AAGAB: variants seen among roughly 807,000 people sequenced by gnomAD.
The protein encoded by AAGAB is alpha and gamma adaptin binding protein.
Under a neutral mutation model 44.1 loss-of-function variants are expected in AAGAB, and 38 were observed. The observed-to-expected ratio is 0.86, with a 90% CI of 0.67 to 1.13. The LOEUF (loss-of-function observed/expected upper bound fraction) is 1.13. Ranked by LOEUF, AAGAB falls within the 50% of genes most tolerant of loss-of-function variation. AAGAB has a pLI of 0.00. For synonymous variants in AAGAB, 131 were observed against 131.8 expected, an observed-to-expected ratio of 0.99 and a Z score of 0.04; for missense variants, 450 against 373.8, an observed-to-expected ratio of 1.20 and a Z score of -1.68.
intron 5 of AAGAB, among the ~76,000 whole-genome samples, chr15:67,228,831 G>A (rs1417443102): frequency 6.6e-6 from 1 of 152,086 alleles, no homozygotes; most frequent in African/African-American, 2.4e-5. Flanking sequence ...GCAGCAACAT[G>A]GACACAGCTG....
intron 5 of AAGAB, among the ~76,000 whole-genome samples, chr15:67,212,867 A>G (rs1963856298): frequency 6.6e-6 from 1 of 152,234 alleles, no homozygotes; most frequent in East Asian, 1.9e-4. Context: ...CTCATAGAAA[A>G]GAATTACATA....
intron 5 of AAGAB, among the ~76,000 whole-genome samples, chr15:67,210,234 G>A (rs8034421): frequency 0.3 from 45,267 of 152,132 alleles, 6,948 homozygotes; most frequent in South Asian, 0.37. Flanking sequence ...AAAAGTTCTA[G>A]GGCTGGGAGC....
At chr15:67,248,055 T>A (rs1305302311) in intron 1 of AAGAB, among the ~76,000 whole-genome samples, 4 of 152,222 alleles carry the variant, frequency 2.6e-5, no homozygotes, top group Admixed American at 2.6e-4. Context: ...TAACTTCACA[T>A]ACACACATAC....
chr15:67,208,521 T>C (rs1486085590), intron 7 of AAGAB, 41 bp downstream of exon 7: 3 of 1,565,028 alleles, frequency 1.9e-6, no homozygotes, highest in East Asian at 2.2e-5. Flanking sequence ...CTATTCCAAG[T>C]TGCACAAAGC....
In AAGAB at chr15:67,204,106, G is replaced by GT; in HGVS notation, c.757dup (p.Thr253AsnfsTer11). 1 of 1,612,082 alleles carries GT rather than the reference G, an allele frequency of 6.2e-7. No homozygotes were observed. The highest frequency in any genetic ancestry group is 8.5e-7 in the Non-Finnish European group (1 of 1,178,490). ...ATTCTCCACATCTCCTCCTCCAGTG[G>GT]TAAGACTGGCTAATTCTTGAATATC... On this transcript the variant is annotated frameshift_variant, in exon 8 of 10. Coordinates refer to ENST00000261880, the MANE Select transcript of AAGAB (RefSeq NM_024666.5). LOFTEE classifies it high-confidence loss of function.
chr15:67,243,168 G>A (rs1311920359), intron 1 of AAGAB, among the ~76,000 whole-genome samples: 1 of 151,928 alleles, frequency 6.6e-6, no homozygotes, highest in Non-Finnish European at 1.5e-5. Flanking sequence ...GGGGTTGTGG[G>A]GGGGTCTCTG....
At chr15:67,235,930 A>G (rs762843240) in intron 4 of AAGAB, 49 bp downstream of exon 4, 2 of 1,295,736 alleles carry the variant, frequency 1.5e-6, no homozygotes, top group Non-Finnish European at 2.2e-6. Flanking sequence ...AATTAAAATA[A>G]TCTCTCATAT....
At chr15:67,235,354 G>A (rs924300384) in intron 4 of AAGAB, among the ~76,000 whole-genome samples, 8 of 152,118 alleles carry the variant, frequency 5.3e-5, no homozygotes, top group Non-Finnish European at 4.4e-5. Context: ...TAAGGTTTTG[G>A]TGAACCAAAA....
At chr15:67,250,383 G>A (rs1964833995) in intron 1 of AAGAB, among the ~76,000 whole-genome samples, 1 of 152,038 alleles carries the variant, frequency 6.6e-6, no homozygotes, top group African/African-American at 2.4e-5. Context: ...CTCCATGTTG[G>A]CCAGGCTGGT....
intron 5 of AAGAB, among the ~76,000 whole-genome samples, chr15:67,230,857 T>C (rs1451715345): frequency 6.6e-6 from 1 of 152,136 alleles, no homozygotes; most frequent in Non-Finnish European, 1.5e-5. Context: ...AGACTCTATG[T>C]TGACTTTCTT....
chr15:67,206,919 C>T (rs565389766), intron 7 of AAGAB, among the ~76,000 whole-genome samples: 54 of 152,286 alleles, frequency 3.5e-4, no homozygotes, highest in Middle Eastern at 3.4e-3. Flanking sequence ...CAGTGGCTCA[C>T]GCCTGTAATC....
chr15:67,230,498 T>C (rs1180051643), intron 5 of AAGAB, among the ~76,000 whole-genome samples: 5 of 152,184 alleles, frequency 3.3e-5, no homozygotes, highest in African/African-American at 1.2e-4. Flanking sequence ...GATGGAGTTA[T>C]GCTGCCACAA....
At chr15:67,214,352 A>G (rs1055186643) in intron 5 of AAGAB, among the ~76,000 whole-genome samples, 10 of 152,356 alleles carry the variant, frequency 6.6e-5, no homozygotes, top group African/African-American at 2.2e-4. Flanking sequence ...CACATAAAAC[A>G]AATGGTAGAC....
intron 7 of AAGAB, among the ~76,000 whole-genome samples, chr15:67,204,929 T>G (rs1003740406): frequency 2.0e-5 from 3 of 152,250 alleles, no homozygotes; most frequent in Non-Finnish European, 4.4e-5. Flanking sequence ...TACCTTGTAT[T>G]CTAACATTTC....
At position 67,236,697 on chromosome 15, in the gene AAGAB, T is replaced by C; in HGVS notation, c.197A>G (p.Lys66Arg). 1.2e-6 allele frequency: 2 copies of C among 1,614,102 alleles called. No individual in the cohort carries two copies. Among genetic ancestry groups the C allele is most frequent in the Non-Finnish European group, 1.7e-6 (2 of 1,180,000 alleles). ...ADINLCVVPNKFLVTAEIAES... is the reference protein window; with the variant it reads ...ADINLCVVPNRFLVTAEIAES... ...TGCAATCTCTGCAGTAACAAGAAAT[T>C]TGTTTGGCACCACACATAGATTGAT... is the stretch of plus-strand genomic sequence containing the variant. Residue 66 changes from lysine to arginine, a missense_variant, in exon 2 of 10, where the codon AAA becomes AGA. Transcript: ENST00000261880.
chr15:67,207,506 TCTCA>T (rs771577532), intron 7 of AAGAB, among the ~76,000 whole-genome samples: 6 of 152,230 alleles, frequency 3.9e-5, no homozygotes, highest in Non-Finnish European at 8.8e-5. Flanking sequence ...GAAACCTAAC[TCTCA>T]CTATCTATAT....
chr15:67,237,688 C>T (rs1964503336), intron 1 of AAGAB, among the ~76,000 whole-genome samples: 1 of 152,080 alleles, frequency 6.6e-6, no homozygotes, highest in African/African-American at 2.4e-5. Flanking sequence ...TCTCTCACAC[C>T]CATACCCATA....
chr15:67,231,787 A>C, intron 5 of AAGAB, 27 bp downstream of exon 5: 2 of 1,560,590 alleles, frequency 1.3e-6, no homozygotes, highest in Non-Finnish European at 1.8e-6. Flanking sequence ...AAGAGGAAAA[A>C]AATGACTTGA....
At chr15:67,212,647 A>C (rs1303366094) in intron 5 of AAGAB, among the ~76,000 whole-genome samples, 1 of 152,254 alleles carries the variant, frequency 6.6e-6, no homozygotes, top group Non-Finnish European at 1.5e-5. Context: ...TCCGCTGCTT[A>C]TATTTTAAGG....
Sources: allele counts gnomAD v4.1 joint callset (sites outside exome capture counted in the v4.1 genomes callset), GRCh38; gene constraint gnomAD v4.1.1; transcripts MANE v1.5; gene names NCBI Gene and HGNC (gene_info 2026-07-23, HGNC 2026-07-21).